The following LINGO2 variants were observed in gnomAD, a reference collection of about 807,000 sequenced individuals.
LINGO2 encodes leucine-rich repeat and immunoglobulin-like domain-containing nogo receptor-interacting protein 2.
In LINGO2, 14 loss-of-function variants were observed where a neutral mutation model predicts 30.6. The ratio of observed to expected loss-of-function variants is 0.46; its 90% CI spans 0.30 to 0.72. The LOEUF is 0.72. Ranked by LOEUF, LINGO2 falls within the 30% of genes least tolerant of loss-of-function variation. The probability of loss-of-function intolerance (pLI) is 0.07; values close to 1 mark genes in which losing one functional copy is unlikely to be tolerated. For synonymous variants in LINGO2, 317 were observed against 288.5 expected (o/e 1.10, Z -1.00); for missense variants, 729 against 751.7 (o/e 0.97, Z 0.35).
intron 5 of LINGO2, among the ~76,000 whole-genome samples, chr9:27,963,495 G>C (rs897194600): frequency 5.9e-5 from 9 of 151,938 alleles, no homozygotes; most frequent in Non-Finnish European, 2.9e-5. Context: ...TGTTTAAAAA[G>C]AAAGTTTAGG....
chr9:28,629,273 A>C (rs1826823408), intron 1 of LINGO2, among the ~76,000 whole-genome samples: 2 of 152,090 alleles, frequency 1.3e-5, no homozygotes, highest in South Asian at 4.1e-4. Context: ...GAGCCACTGG[A>C]CAATTTCCAG....
chr9:28,300,316 A>G (rs997181811), intron 3 of LINGO2, among the ~76,000 whole-genome samples: 6 of 152,134 alleles, frequency 3.9e-5, no homozygotes, highest in Non-Finnish European at 7.4e-5. Context: ...TATCATTTTC[A>G]TTTCAGAACC....
At chr9:28,905,157 C>T in the LINGO2 span, among the ~76,000 whole-genome samples, 2 of 151,456 alleles carry the variant, frequency 1.3e-5, no homozygotes, top group Admixed American at 1.3e-4. Context: ...AATTTAAGAT[C>T]TTAAATATAA....
the LINGO2 span, among the ~76,000 whole-genome samples, chr9:29,096,892 G>A: frequency 7.2e-6 from 1 of 138,348 alleles, no homozygotes; most frequent in African/African-American, 2.7e-5. Flanking sequence ...ACTGATTTTA[G>A]TTTTTTTATG....
In LINGO2 at chr9:28,215,146, G is replaced by T. The variant is rs112952669; in HGVS notation, c.-87+80062C>A. ...TATTATCAGGGCCAGGACGCTACCT[G>T]ATCAAGATACCCTCAAAAGCCAGAA... On this transcript the variant is annotated intron_variant, in intron 4 of 5. Coordinates refer to ENST00000379992, the Ensembl canonical transcript of LINGO2. 2.2e-4 allele frequency among the ~76,000 whole-genome samples: 33 copies of T among 151,782 alleles called. 1 individual carries two copies. Among genetic ancestry groups the T allele is most frequent in the African/African-American group, 8.0e-4 (33 of 41,500 alleles).
chr9:28,649,999 A>G (rs1828019577), intron 1 of LINGO2, among the ~76,000 whole-genome samples: 1 of 151,822 alleles, frequency 6.6e-6, no homozygotes. Context: ...GAGCCATCGT[A>G]GAGTGGCTGA....
intron 4 of LINGO2, among the ~76,000 whole-genome samples, chr9:28,079,730 G>T (rs1825722350): frequency 6.6e-6 from 1 of 152,088 alleles, no homozygotes; most frequent in South Asian, 2.1e-4. Flanking sequence ...TATTTCCAAG[G>T]TTTTAAATGC....
chr9:29,010,769 A>G, the LINGO2 span, among the ~76,000 whole-genome samples: 1 of 151,968 alleles, frequency 6.6e-6, no homozygotes, highest in African/African-American at 2.4e-5. Context: ...ACAAACATAA[A>G]AGTGCCTCAG....
intron 4 of LINGO2, among the ~76,000 whole-genome samples, chr9:28,242,404 C>G (rs117700010): frequency 0.015 from 2,222 of 151,968 alleles, 81 homozygotes; most frequent in East Asian, 0.12. Flanking sequence ...TGAAATAAGG[C>G]AGGCAGACAA....
chr9:28,783,844 A>C, the LINGO2 span, among the ~76,000 whole-genome samples: 2 of 152,218 alleles, frequency 1.3e-5, no homozygotes, highest in Non-Finnish European at 2.9e-5. Context: ...TTCAAGATCA[A>C]GACAGTGGCA....
At chr9:28,760,957 T>TACACACACACACATAC in the LINGO2 span, among the ~76,000 whole-genome samples, 17 of 148,966 alleles carry the variant, frequency 1.1e-4, no homozygotes, top group East Asian at 4.0e-4. Flanking sequence ...CACACACACA[T>TACACACACACACATAC]ACACACACAC....
chr9:28,737,249 G>A, the LINGO2 span, among the ~76,000 whole-genome samples: 3 of 152,206 alleles, frequency 2.0e-5, no homozygotes, highest in African/African-American at 4.8e-5. Context: ...AGTCACTCCA[G>A]TCATCCAAGC....
chr9:29,055,539 C>T, the LINGO2 span, among the ~76,000 whole-genome samples: 5 of 152,106 alleles, frequency 3.3e-5, no homozygotes, highest in Non-Finnish European at 1.5e-5. Flanking sequence ...CTTCAGGTTT[C>T]TGACTTCAAA....
chr9:29,005,332 C>T, the LINGO2 span, among the ~76,000 whole-genome samples: 205 of 151,992 alleles, frequency 1.3e-3, 2 homozygotes, highest in African/African-American at 4.6e-3. Context: ...CACACAAACA[C>T]ACACAACATA....
chr9:28,926,648 T>C, the LINGO2 span, among the ~76,000 whole-genome samples: 1 of 152,198 alleles, frequency 6.6e-6, no homozygotes, highest in Non-Finnish European at 1.5e-5. Flanking sequence ...CTTGCTTTTT[T>C]TAATATGGTT....
chr9:28,931,298 C>T, the LINGO2 span, among the ~76,000 whole-genome samples: 2 of 152,166 alleles, frequency 1.3e-5, no homozygotes, highest in African/African-American at 4.8e-5. Flanking sequence ...GAGTGAATAA[C>T]CATGGCATGC....
rs79177224 is a variant in LINGO2, at chr9:27,953,312, C to T, written c.-35-2606G>A. On this transcript the variant is annotated intron_variant, in intron 5 of 5. Transcript: ENST00000379992. ...TAGAAATGTATCATTAGAAAATAAG[C>T]GAACTACTATACATGTTTGTTACAG... is the stretch of plus-strand genomic sequence containing the variant. Among the ~76,000 whole-genome samples, 737 of 151,976 alleles carry T rather than the reference C, an allele frequency of 4.8e-3. 6 individuals are homozygous for T. Among genetic ancestry groups the T allele is most frequent in the African/African-American group, 0.017 (698 of 41,466 alleles).
chr9:28,030,970 A>G (rs1191381941), intron 4 of LINGO2, among the ~76,000 whole-genome samples: 1 of 152,194 alleles, frequency 6.6e-6, no homozygotes, highest in African/African-American at 2.4e-5. Context: ...GGGTAGCAAG[A>G]GATAGATGAG....
chr9:29,173,832 A>G, the LINGO2 span, among the ~76,000 whole-genome samples: 4 of 152,248 alleles, frequency 2.6e-5, no homozygotes, highest in African/African-American at 9.6e-5. Flanking sequence ...GAGAATATTC[A>G]TCTAAGGCAA....
Sources: allele counts gnomAD v4.1 joint callset (sites outside exome capture counted in the v4.1 genomes callset), GRCh38; gene constraint gnomAD v4.1.1; transcripts MANE v1.5; gene names NCBI Gene and HGNC (gene_info 2026-07-23, HGNC 2026-07-21).